SEMA3E: variants seen among roughly 807,000 people sequenced by gnomAD.
SEMA3E encodes semaphorin-3E.
Under a neutral mutation model 93.6 loss-of-function variants are expected in SEMA3E, and 49 were observed. The ratio of observed to expected loss-of-function variants is 0.52; its 90% CI spans 0.42 to 0.66. The LOEUF (loss-of-function observed/expected upper bound fraction) is 0.66. SEMA3E is among the 30% of genes least tolerant of loss of function. SEMA3E has a pLI of 0.00. For synonymous variants in SEMA3E, 363 were observed against 330.7 expected (o/e 1.10, Z -1.06); for missense variants, 906 against 964.8 (o/e 0.94, Z 0.81).
At chr7:83,409,791 T>C (rs896610564) in intron 5 of SEMA3E, among the ~76,000 whole-genome samples, 3 of 151,700 alleles carry the variant, frequency 2.0e-5, no homozygotes, top group Non-Finnish European at 4.4e-5. Context: ...AAAAATTGTT[T>C]AATTATTTAT....
intron 4 of SEMA3E, among the ~76,000 whole-genome samples, chr7:83,435,439 T>A (rs1284991690): frequency 6.6e-6 from 1 of 151,552 alleles, no homozygotes; most frequent in Non-Finnish European, 1.5e-5. Flanking sequence ...ACTAAAAAAA[T>A]ACAAAAACTA....
intron 1 of SEMA3E, among the ~76,000 whole-genome samples, chr7:83,587,436 A>G (rs1792653803): frequency 1.3e-5 from 2 of 152,174 alleles, no homozygotes; most frequent in South Asian, 2.1e-4. Context: ...AAAGCATAAA[A>G]AAAGTTACGT....
At chr7:83,539,327 C>A (rs1442157670) in intron 1 of SEMA3E, among the ~76,000 whole-genome samples, 1 of 152,156 alleles carries the variant, frequency 6.6e-6, no homozygotes, top group Non-Finnish European at 1.5e-5. Context: ...TCTGCTTTAT[C>A]TTCTACAGTT....
rs184146937 is a variant in SEMA3E at position 83,565,175 on chromosome 7, A to G, written c.116-74901T>C. 1.5e-3 allele frequency among the ~76,000 whole-genome samples: 236 copies of G among 152,300 alleles called. 1 individual carries two copies. Among genetic ancestry groups the G allele is most frequent in the African/African-American group, 5.2e-3 (216 of 41,562 alleles). On this transcript the variant is annotated intron_variant, in intron 1 of 16. Coordinates refer to ENST00000643230, the MANE Select transcript of SEMA3E (RefSeq NM_012431.3). ...AAGTTGAAGATAAAGAAAGATAAAG[A>G]AAATGCGGTACATATACACCATGGA...
At chr7:83,467,202 C>A (rs1160810879) in intron 3 of SEMA3E, among the ~76,000 whole-genome samples, 4 of 151,924 alleles carry the variant, frequency 2.6e-5, no homozygotes. Flanking sequence ...GTAGCTGCAA[C>A]TACAGGCATG....
chr7:83,615,565 T>C (rs1793347252), intron 1 of SEMA3E, among the ~76,000 whole-genome samples: 2 of 152,210 alleles, frequency 1.3e-5, no homozygotes, highest in Non-Finnish European at 2.9e-5. Context: ...GAAAGATTTA[T>C]AGGTTAAAAA....
intron 4 of SEMA3E, among the ~76,000 whole-genome samples, chr7:83,433,488 A>C (rs1001821723): frequency 6.6e-6 from 1 of 152,170 alleles, no homozygotes; most frequent in Admixed American, 6.5e-5. Flanking sequence ...TCTACAGTCA[A>C]GTCAAACTAC....
At chr7:83,496,364 G>A (rs1192342670) in intron 1 of SEMA3E, among the ~76,000 whole-genome samples, 2 of 151,796 alleles carry the variant, frequency 1.3e-5, no homozygotes, top group African/African-American at 4.8e-5. Context: ...AAGATAGAAG[G>A]TTTTCAAAAT....
At chr7:83,522,986 T>C (rs186816096) in intron 1 of SEMA3E, among the ~76,000 whole-genome samples, 39 of 152,208 alleles carry the variant, frequency 2.6e-4, no homozygotes, top group African/African-American at 9.1e-4. Flanking sequence ...AGTATAAAGC[T>C]GTAGCATTTA....
intron 1 of SEMA3E, among the ~76,000 whole-genome samples, chr7:83,584,956 A>G (rs1194916359): frequency 1.3e-5 from 2 of 152,112 alleles, no homozygotes; most frequent in East Asian, 3.9e-4. Flanking sequence ...CTACTGGGAA[A>G]AATTCTCACT....
intron 1 of SEMA3E, among the ~76,000 whole-genome samples, chr7:83,568,276 C>G (rs1792204027): frequency 6.6e-6 from 1 of 152,028 alleles, no homozygotes; most frequent in South Asian, 2.1e-4. Flanking sequence ...CTTAATGGCT[C>G]CACTGCCAAA....
At chr7:83,408,873 G>T (rs1788379704) in intron 5 of SEMA3E, among the ~76,000 whole-genome samples, 1 of 152,010 alleles carries the variant, frequency 6.6e-6, no homozygotes, top group African/African-American at 2.4e-5. Flanking sequence ...CTATCATCAG[G>T]GCTTTATCAT....
At chr7:83,408,528 A>C (rs753875509) in intron 5 of SEMA3E, 41 bp from the exon 6 acceptor site, 2 of 1,606,942 alleles carry the variant, frequency 1.2e-6, no homozygotes, top group East Asian at 2.2e-5. Context: ...AGTATTTGTT[A>C]ATATGTTAAC....
At chr7:83,382,815 A>G in intron 16 of SEMA3E, among the ~76,000 whole-genome samples, 1 of 151,876 alleles carries the variant, frequency 6.6e-6, no homozygotes, top group Non-Finnish European at 1.5e-5. Context: ...GCAGGAGTCT[A>G]TAAACTGCAT....
intron 2 of SEMA3E, among the ~76,000 whole-genome samples, chr7:83,479,755 A>T (rs1047639921): frequency 1.3e-5 from 2 of 152,226 alleles, no homozygotes; most frequent in Non-Finnish European, 2.9e-5. Flanking sequence ...TAGTGTTCAG[A>T]TGGGAGCCCT....
At chr7:83,439,474 A>G (rs1228382397) in intron 4 of SEMA3E, among the ~76,000 whole-genome samples, 1 of 152,226 alleles carries the variant, frequency 6.6e-6, no homozygotes, top group Non-Finnish European at 1.5e-5. Flanking sequence ...AGTCTAGGCT[A>G]AGGGCTTTTT....
intron 4 of SEMA3E, among the ~76,000 whole-genome samples, chr7:83,428,528 CATG>C (rs774789907): frequency 1.3e-5 from 2 of 152,132 alleles, no homozygotes; most frequent in Non-Finnish European, 2.9e-5. Context: ...ATAATAGCTA[CATG>C]ATAATGTGTA....
chr7:83,526,114 A>G (rs970807025), intron 1 of SEMA3E, among the ~76,000 whole-genome samples: 1 of 152,148 alleles, frequency 6.6e-6, no homozygotes, highest in Non-Finnish European at 1.5e-5. Flanking sequence ...CATGAATTCA[A>G]TGATAATGAC....
At position 83,552,833 on chromosome 7, in the gene SEMA3E, T is replaced by G. The variant is rs534147035; in HGVS notation, c.116-62559A>C. Among the ~76,000 whole-genome samples, 118 of 152,276 alleles carry G rather than the reference T, an allele frequency of 7.7e-4. 1 individual carries two copies. The highest frequency in any genetic ancestry group is 6.0e-3 in the South Asian group (29 of 4,826). On this transcript the variant is annotated intron_variant, in intron 1 of 16. Coordinates refer to ENST00000643230, the MANE Select transcript of SEMA3E (RefSeq NM_012431.3). ...ACCCTGTTTTCTGTTATTTAAGATA[T>G]TTATCAAGACAATACATGCACTGCT... is the stretch of plus-strand genomic sequence containing the variant.
Sources: gnomAD v4.1 joint callset for allele counts (sites outside exome capture counted in the v4.1 genomes callset) on GRCh38, gnomAD v4.1.1 for gene constraint, MANE v1.5 for transcripts, NCBI Gene and HGNC (gene_info 2026-07-23, HGNC 2026-07-21) for gene names.